Variants in TTN observed in about 807,000 individuals in gnomAD.
TTN encodes titin, also known as connectin.
Under a neutral mutation model 3,223.0 loss-of-function variants are expected in TTN, and 1,525 were observed. That is an observed-to-expected ratio of 0.47 (90% CI 0.45 to 0.49). The LOEUF (loss-of-function observed/expected upper bound fraction) is 0.49, where lower values mean the gene tolerates loss of function less well. TTN is among the 20% of genes least tolerant of loss of function. The pLI is 0.00. For missense variants in TTN, 40,786 were observed against 43,424.0 expected, an observed-to-expected ratio of 0.94 and a Z score of 5.40; for synonymous variants, 14,094 against 15,161.0, an observed-to-expected ratio of 0.93 and a Z score of 5.17.
At position 178,566,799 on chromosome 2, in the gene TTN, G is replaced by T. The variant is rs780658084; in HGVS notation, c.79333C>A (p.Arg26445Ser). ...KCNKRRITDL[R>S]LRVTGLTEDH... ...TCTGTTAATCCTGTCACTCTTAGACGCAAATCTGTAATGCGGCGTTTATTA... is the reference window on the plus strand; with the variant it reads ...TCTGTTAATCCTGTCACTCTTAGACTCAAATCTGTAATGCGGCGTTTATTA... The change falls in exon 326 of 363, where the codon CGT becomes AGT. Residue 26445 changes from arginine (R) to serine (S), a missense_variant. By Grantham distance (110) the Arg-to-Ser change is moderately radical (BLOSUM62 -1). Coordinates refer to ENST00000589042, the MANE Select transcript of TTN (RefSeq NM_001267550.2). The T allele has an allele frequency of 6.2e-7, 1 of 1,613,238 alleles. No individual in the cohort carries two copies. Among genetic ancestry groups the T allele is most frequent in the Non-Finnish European group, 8.5e-7 (1 of 1,179,674 alleles).
chr2:178,590,282 A>G lies in TTN; in HGVS notation c.61443T>C (p.Thr20481=), dbSNP rs1274521290. Residue 20481 remains threonine (T), a synonymous_variant, in exon 304 of 363, where the codon ACT becomes ACC. Coordinates refer to ENST00000589042, the MANE Select transcript of TTN (RefSeq NM_001267550.2). ...CTCTCACGGTAATAACATCACGACAAGTAACATCAAGTTCTACTTCTGGAG... is the reference window on the plus strand; with the variant it reads ...CTCTCACGGTAATAACATCACGACAGGTAACATCAAGTTCTACTTCTGGAG... The part of the protein sequence containing the change: ...LHPPEVELDV[T]CRDVITVRVG... 5 of 1,570,950 alleles carry G rather than the reference A, an allele frequency of 3.2e-6. No homozygotes were observed.
In TTN at chr2:178,565,419, C is replaced by G. The variant is rs772844758; in HGVS notation, c.80713G>C (p.Gly26905Arg). The change falls in exon 326 of 363, where the codon GGC (glycine) becomes CGC (arginine). Residue 26905 changes from glycine (G) to arginine (R), a missense_variant. Transcript: ENST00000589042. ...EDLKIEIPVI[G>R]RPRPNISWVK... ...CAAGAAATGTTAGGTCTTGGTCGGC[C>G]TATAACTGGAATTTCTATTTTAAGA... The G allele has an allele frequency of 6.2e-7, 1 of 1,613,384 alleles. No homozygotes were observed.
At chr2:178,697,297 C>A in intron 112 of TTN, 129 bp from the exon 113 acceptor site, 1 of 673,538 alleles carries the variant, frequency 1.5e-6, no homozygotes, top group Non-Finnish European at 2.3e-6. Flanking sequence ...CCAGCCCTTC[C>A]AGGAATCATA....
In TTN at chr2:178,685,538, ACT is replaced by A; in HGVS notation, c.32370_32371del (p.Arg10790SerfsTer4). On this transcript the variant is annotated frameshift_variant, in exon 128 of 363. Coordinates refer to ENST00000589042, the MANE Select transcript of TTN (RefSeq NM_001267550.2). LOFTEE classifies it high-confidence loss of function. ...CATACCTTCAGCTGGCTCAGCTTCCACTCTCTTAGAAATAATGTGCAGCTTTT... is the reference window on the plus strand; with the variant it reads ...CATACCTTCAGCTGGCTCAGCTTCCACTCTTAGAAATAATGTGCAGCTTTT... 6.2e-7 allele frequency: 1 copy of A among 1,613,228 alleles called. No homozygotes were observed. Among genetic ancestry groups the A allele is most frequent in the Non-Finnish European group, 8.5e-7 (1 of 1,179,594 alleles).
rs1347029978 is a variant in TTN, at chr2:178,556,456, A to AAACAAAC, written c.88306+391_88306+392insGTTTGTT. On this transcript the variant is annotated intron_variant, in intron 330 of 362. Transcript: ENST00000589042. Reference sequence around the variant, plus strand: ...AAAACAAACAAACAAACAAACAAACAAAAAAAAAAAAACCAAAAAATGAAG... The same window carrying AAACAAAC: ...AAAACAAACAAACAAACAAACAAACAAACAAACAAAAAAAAAAAACCAAAAAATGAAG... 4.8e-5 allele frequency: 8 copies of AAACAAAC among 165,954 alleles called. No individual in the cohort carries two copies. In the East Asian group the frequency reaches 1.0e-3, roughly 21 times the overall value. The allele number at this position is 165,954 out of a possible 1,614,324, so 10.3% of individuals were successfully genotyped here.
chr2:178,685,661 T>A, intron 127 of TTN, 63 bp from the exon 128 acceptor site: 1 of 1,508,460 alleles, frequency 6.6e-7, no homozygotes, highest in Non-Finnish European at 9.1e-7. Flanking sequence ...TTTTTAGCTT[T>A]AATTTATCAC....
rs756336994 is a variant in TTN at position 178,684,879 on chromosome 2, T to G, written c.32554+27A>C. On this transcript the variant is annotated intron_variant, in intron 130 of 362. Coordinates refer to ENST00000589042, the MANE Select transcript of TTN (RefSeq NM_001267550.2). Reference sequence around the variant, plus strand: ...AATTTAAGATTAAAAAAAGACAGTCTTGAGAATAAAATAAAATCCAATATA... The same window carrying G: ...AATTTAAGATTAAAAAAAGACAGTCGTGAGAATAAAATAAAATCCAATATA... 2.5e-6 allele frequency: 4 copies of G among 1,573,820 alleles called. No individual in the cohort carries two copies. The Admixed American group carries it at 7.2e-5, about 28-fold the overall frequency.
At chr2:178,682,042 T>C (rs1411466395) in intron 135 of TTN, among the ~76,000 whole-genome samples, 1 of 152,034 alleles carries the variant, frequency 6.6e-6, no homozygotes, top group Non-Finnish European at 1.5e-5. Flanking sequence ...CTATGTAGAA[T>C]GTTCTCAAAG....
At chr2:178,667,344 A>C in intron 161 of TTN, 25 bp from the exon 162 acceptor site, 1 of 1,581,594 alleles carries the variant, frequency 6.3e-7, no homozygotes, top group Non-Finnish European at 8.6e-7. Context: ...GTAGGTTTAC[A>C]TTTAAAAGTT....
In TTN at chr2:178,684,692, T is replaced by C; in HGVS notation, c.32612A>G (p.Lys10871Arg). ...PEKKVPPKVI[K>R]MEEPLPAKVT... ...TTTGGCTGGGAGAGGTTCTTCCATC[T>C]TAATGACTTTTGGAGGAACCTTTTT... The change falls in exon 131 of 363, where the codon AAG (lysine) becomes AGG (arginine). Residue 10871 changes from lysine to arginine, a missense_variant. Transcript: ENST00000589042. 6.2e-7 allele frequency: 1 copy of C among 1,612,286 alleles called. No individual in the cohort carries two copies. The highest frequency in any genetic ancestry group is 8.5e-7 in the Non-Finnish European group (1 of 1,179,446).
rs993140556 is a variant in TTN, at chr2:178,675,444, A to T, written c.34537+227T>A. Among the ~76,000 whole-genome samples the T allele has an allele frequency of 2.0e-5, 3 of 151,178 alleles. No individual in the cohort carries two copies. In the Admixed American group the frequency reaches 2.0e-4, roughly 10 times the overall value. On this transcript the variant is annotated intron_variant, in intron 149 of 362. Transcript: ENST00000589042. ...CTTAGTTATTTTTGGCTCTTTAAAGATATATTTTTATTTTTTAGAAACAAC... is the reference window on the plus strand; with the variant it reads ...CTTAGTTATTTTTGGCTCTTTAAAGTTATATTTTTATTTTTTAGAAACAAC...
intron 1 of TTN, among the ~76,000 whole-genome samples, chr2:178,805,343 C>CAA (rs34870064): frequency 0.011 from 1,016 of 89,728 alleles, 10 homozygotes; most frequent in African/African-American, 0.038. Flanking sequence ...GACTCTGTCT[C>CAA]AAAAAAAAAA....
In TTN at chr2:178,565,795, T is replaced by A. The variant is rs760599182; in HGVS notation, c.80337A>T (p.Glu26779Asp). Reference sequence around the variant, plus strand: ...TAACCTTTCCTGGTGGGGAAGGAGGTTCAGCAGCTTTCACGGCATCAACAG... The same window carrying A: ...TAACCTTTCCTGGTGGGGAAGGAGGATCAGCAGCTTTCACGGCATCAACAG... ...VETVDAVKAA[E>D]PPSPPGKVTL... Residue 26779 changes from glutamate to aspartate, a missense_variant, in exon 326 of 363, where the codon GAA becomes GAT. Transcript: ENST00000589042. 2.5e-6 allele frequency: 4 copies of A among 1,613,232 alleles called. No homozygotes were observed. In the South Asian group the frequency reaches 4.4e-5, roughly 18 times the overall value.
rs1245279855 is a variant in TTN, at chr2:178,594,355, T to G, written c.58139A>C (p.Lys19380Thr). The G allele has an allele frequency of 6.3e-7, 1 of 1,592,978 alleles. No individual in the cohort carries two copies. The highest frequency in any genetic ancestry group is 1.1e-5 in the South Asian group (1 of 87,048). ...TAGTAGACACATACCCAGCTCATCCTTGCAAGTAATTGGTTTGGTGCAAAA... is the reference window on the plus strand; with the variant it reads ...TAGTAGACACATACCCAGCTCATCCGTGCAAGTAATTGGTTTGGTGCAAAA... ...PSFCTKPITC[K>T]DELAPPTLHL... The change falls in exon 296 of 363, where the codon AAG becomes ACG. Residue 19380 changes from lysine to threonine, a missense_variant. Transcript: ENST00000589042.
At position 178,631,171 on chromosome 2, in the gene TTN, T is replaced by C. The variant is rs2059753756; in HGVS notation, c.43877A>G (p.Lys14626Arg). Residue 14626 changes from lysine (K) to arginine (R), a missense_variant, in exon 237 of 363, where the codon AAG (lysine) becomes AGG (arginine). By Grantham distance (26) the Lys-to-Arg change is conservative. Transcript: ENST00000589042. ...VKWFKDGKEI[K>R]PSKNAVIKAD... ...CTTAATAACAGCATTTTTGGATGGC[T>C]TTATTTCCTTCCCATCCTTAAACCA... The C allele has an allele frequency of 3.1e-6, 5 of 1,613,280 alleles. No homozygotes were observed. The highest frequency in any genetic ancestry group is 4.2e-6 in the Non-Finnish European group (5 of 1,179,572).
At position 178,677,681 on chromosome 2, in the gene TTN, ATTC is replaced by A. The variant is rs1280466421; in HGVS notation, c.34228_34230del (p.Glu11410del). The A allele has an allele frequency of 8.1e-6, 13 of 1,612,276 alleles. No individual in the cohort carries two copies. The highest frequency in any genetic ancestry group is 4.0e-5 in the African/African-American group (3 of 74,698). ...GGAAGGACTTCTTCTTCAGGTACAA[ATTC>A]TTCTTCCTCAGGTACATATTCTTCT... On this transcript the variant is annotated inframe_deletion, in exon 146 of 363. Coordinates refer to ENST00000589042, the MANE Select transcript of TTN (RefSeq NM_001267550.2).
At position 178,572,637 on chromosome 2, in the gene TTN, G is replaced by A. The variant is rs1708645727; in HGVS notation, c.73495C>T (p.Leu24499=). 6.2e-7 allele frequency: 1 copy of A among 1,613,110 alleles called. No homozygotes were observed. Among genetic ancestry groups the A allele is most frequent in the Admixed American group, 1.7e-5 (1 of 59,952 alleles). Residue 24499 remains leucine, a synonymous_variant, in exon 326 of 363, where the codon CTA becomes TTA. Transcript: ENST00000589042. ...VNRFDSGKYI[L]TVENSSGSKS... Reference sequence around the variant, plus strand: ...CTGCCTGAACTATTTTCTACAGTTAGTATATATTTGCCACTGTCAAATCTG... The same window carrying A: ...CTGCCTGAACTATTTTCTACAGTTAATATATATTTGCCACTGTCAAATCTG...
Position 178,561,773 on chromosome 2 carries a change from G to T in TTN, c.84359C>A (p.Thr28120Lys), listed in dbSNP as rs1261670625. The T allele has an allele frequency of 2.4e-5, 38 of 1,613,640 alleles. No individual in the cohort carries two copies. The highest frequency in any genetic ancestry group is 3.2e-5 in the Non-Finnish European group (38 of 1,179,734). ...ACGGAACTGATACTCACTTCCTGTT[G>T]TCAGGCGAACTATTTTAATGGATGT... is the stretch of plus-strand genomic sequence containing the variant. ...ARTSIKIVRL[T>K]TGSEYQFRVC... The change falls in exon 326 of 363, where the codon ACA becomes AAA. Residue 28120 changes from threonine (T) to lysine (K), a missense_variant. Transcript: ENST00000589042.
In TTN at chr2:178,602,268, G is replaced by C. The variant is rs1327469041; in HGVS notation, c.55120+14C>G. 2 of 1,610,012 alleles carry C rather than the reference G, an allele frequency of 1.2e-6. No individual in the cohort carries two copies. The highest frequency in any genetic ancestry group is 8.5e-7 in the Non-Finnish European group (1 of 1,178,518). ...ATCAAAAGAGGAATACATAAACTGA[G>C]TAAGTACTAGTACCTTGAATATCAG... On this transcript the variant is annotated intron_variant, in intron 283 of 362. Transcript: ENST00000589042.
Sources: allele counts gnomAD v4.1 joint callset (sites outside exome capture counted in the v4.1 genomes callset), GRCh38; gene constraint gnomAD v4.1.1; transcripts MANE v1.5; gene names NCBI Gene and HGNC (gene_info 2026-07-23, HGNC 2026-07-21).